The following NR5A2 variants were observed in gnomAD, a reference collection of about 807,000 sequenced individuals.
The protein encoded by NR5A2 is CYP7A promoter-binding factor.
NR5A2 carries 26 observed loss-of-function variants against 62.7 expected under a neutral mutation model. That is an observed-to-expected ratio of 0.41 (90% confidence interval 0.30 to 0.58). The LOEUF is 0.58. NR5A2 is among the 20% of genes least tolerant of loss of function. NR5A2 has a pLI of 0.22. For synonymous variants in NR5A2, 246 were observed against 241.7 expected (o/e 1.02, Z -0.16); for missense variants, 541 against 669.1 (o/e 0.81, Z 2.11).
chr1:200,135,083 G>A (rs1271816401), intron 7 of NR5A2, among the ~76,000 whole-genome samples: 1 of 152,196 alleles, frequency 6.6e-6, no homozygotes, highest in Non-Finnish European at 1.5e-5. Flanking sequence ...AATACAAAAT[G>A]TGACTGGACT....
At chr1:200,118,052 T>TGTTGCCCA (rs1210854807) in intron 6 of NR5A2, among the ~76,000 whole-genome samples, 1 of 136,636 alleles carries the variant, frequency 7.3e-6, no homozygotes, top group African/African-American at 2.8e-5. Context: ...AGTCTCACTC[T>TGTTGCCCA]GTTGCCCAGG....
chr1:200,175,467 C>T lies in NR5A2; in HGVS notation c.*1257C>T, dbSNP rs554700962. 14 of 152,762 alleles carry T rather than the reference C, an allele frequency of 9.2e-5. No homozygotes were observed. The highest frequency in any genetic ancestry group is 3.3e-4 in the Admixed American group (5 of 15,302). 9.5% of individuals were successfully genotyped at this position (152,762 alleles called of 1,614,324 possible). A position where few individuals can be genotyped will look rare whatever the true frequency, so the allele number is the denominator to read the frequency against. On this transcript the variant is annotated 3_prime_UTR_variant, in exon 8 of 8. Coordinates refer to ENST00000367362, the MANE Select transcript of NR5A2 (RefSeq NM_205860.3). ...GAACAAATATGGGAGGACAAAGAAT[C>T]GCAAATTCTTCAAATGACTATTATC... is the stretch of plus-strand genomic sequence containing the variant.
rs1054087234 is a variant in NR5A2 at position 200,039,016 on chromosome 1, C to T, written c.65-642C>T. ...CTCCTTCTCCCCCTCGTCTTCCCCCCTGTCCTTCCCAGCACCGTCACCCTC... is the reference window on the plus strand; with the variant it reads ...CTCCTTCTCCCCCTCGTCTTCCCCCTTGTCCTTCCCAGCACCGTCACCCTC... On this transcript the variant is annotated intron_variant, in intron 1 of 7. Coordinates refer to ENST00000367362, the MANE Select transcript of NR5A2 (RefSeq NM_205860.3). The surrounding 1 kb of genome is among the most constrained non-coding windows in gnomAD (Gnocchi z 5.1). 1.3e-5 allele frequency among the ~76,000 whole-genome samples: 2 copies of T among 152,040 alleles called. No homozygotes were observed. The highest frequency in any genetic ancestry group is 2.4e-5 in the African/African-American group (1 of 41,396).
chr1:200,127,929 T>C (rs1327100213), intron 7 of NR5A2, among the ~76,000 whole-genome samples: 1 of 150,726 alleles, frequency 6.6e-6, no homozygotes, highest in South Asian at 2.1e-4. Flanking sequence ...TAAGGCAAAA[T>C]GATATAAGAA....
At chr1:200,066,161 A>C (rs544866152) in intron 5 of NR5A2, among the ~76,000 whole-genome samples, 1 of 152,210 alleles carries the variant, frequency 6.6e-6, no homozygotes, top group South Asian at 2.1e-4. Context: ...ACCCCAGGGG[A>C]GAGATGGAGA....
intron 5 of NR5A2, among the ~76,000 whole-genome samples, chr1:200,101,566 C>T (rs767506030): frequency 5.3e-5 from 8 of 152,270 alleles, no homozygotes; most frequent in Non-Finnish European, 8.8e-5. Context: ...GTGGCAGAGA[C>T]CTCCTTTTCC....
At chr1:200,092,620 A>G (rs546544039) in intron 5 of NR5A2, among the ~76,000 whole-genome samples, 23 of 152,230 alleles carry the variant, frequency 1.5e-4, no homozygotes, top group African/African-American at 5.5e-4. Context: ...TCCAGGGCAA[A>G]AGGTGGATGT....
intron 5 of NR5A2, among the ~76,000 whole-genome samples, chr1:200,058,578 T>A (rs1473082315): frequency 6.6e-6 from 1 of 151,874 alleles, no homozygotes; most frequent in Non-Finnish European, 1.5e-5. Flanking sequence ...CCTTCCCGGT[T>A]CAAGCGATTC....
chr1:200,171,288 G>A (rs1055717422), intron 7 of NR5A2, among the ~76,000 whole-genome samples: 7 of 152,172 alleles, frequency 4.6e-5, no homozygotes, highest in Non-Finnish European at 7.4e-5. Context: ...AGCTTAATGG[G>A]ATAATTAACT....
intron 5 of NR5A2, among the ~76,000 whole-genome samples, chr1:200,093,958 C>A (rs1343324755): frequency 1.3e-5 from 2 of 152,230 alleles, no homozygotes; most frequent in East Asian, 3.9e-4. Flanking sequence ...AGTTCAAGAC[C>A]AGCCTGGCCA....
chr1:200,149,856 C>CT, intron 7 of NR5A2, among the ~76,000 whole-genome samples: 1 of 152,266 alleles, frequency 6.6e-6, no homozygotes, highest in African/African-American at 2.4e-5. Context: ...ATATGAACTA[C>CT]TATTCATCAT....
intron 7 of NR5A2, among the ~76,000 whole-genome samples, chr1:200,132,071 G>A (rs1666988947): frequency 6.6e-6 from 1 of 152,128 alleles, no homozygotes; most frequent in South Asian, 2.1e-4. Context: ...GTGCAGTGGT[G>A]CAATTTTGGC....
rs115816461 is a variant in NR5A2 at position 200,068,412 on chromosome 1, C to T, written c.1110+19594C>T. ...CAATATTCCAACAGGACTTAGTTTC[C>T]CACTACTTCGAAACTTACTTAATTT... is the stretch of plus-strand genomic sequence containing the variant. On this transcript the variant is annotated intron_variant, in intron 5 of 7. Coordinates refer to ENST00000367362, the MANE Select transcript of NR5A2 (RefSeq NM_205860.3). Among the ~76,000 whole-genome samples, 960 of 152,152 alleles carry T rather than the reference C, an allele frequency of 6.3e-3. 5 individuals carry two copies. Among genetic ancestry groups the T allele is most frequent in the African/African-American group, 0.022 (923 of 41,504 alleles).
At chr1:200,046,602 A>G (rs78489409) in intron 4 of NR5A2, among the ~76,000 whole-genome samples, 6,675 of 152,282 alleles carry the variant, frequency 0.044, 191 homozygotes, top group African/African-American at 0.084. Flanking sequence ...GCTTCTTCCG[A>G]ACAGAGGTAG....
At chr1:200,106,132 A>C (rs1358814744) in intron 5 of NR5A2, among the ~76,000 whole-genome samples, 1 of 149,416 alleles carries the variant, frequency 6.7e-6, no homozygotes, top group Non-Finnish European at 1.5e-5. Context: ...ATCTCGGCTC[A>C]TTGCAACCTC....
intron 5 of NR5A2, among the ~76,000 whole-genome samples, chr1:200,080,296 A>C (rs1286839153): frequency 2.0e-5 from 3 of 152,182 alleles, no homozygotes; most frequent in African/African-American, 7.2e-5. Context: ...AAGTTGTACT[A>C]TAGAGTCTAA....
At chr1:200,034,522 G>A (rs1661676119) in intron 1 of NR5A2, among the ~76,000 whole-genome samples, 1 of 148,038 alleles carries the variant, frequency 6.8e-6, no homozygotes, top group Non-Finnish European at 1.5e-5. Context: ...TATACAAAGA[G>A]CCGTAGATTC....
intron 1 of NR5A2, among the ~76,000 whole-genome samples, chr1:200,037,670 C>G (rs1661841477): frequency 6.6e-6 from 1 of 152,220 alleles, no homozygotes; most frequent in South Asian, 2.1e-4. Flanking sequence ...GAGCTTTTGG[C>G]AACTTCAGCC....
intron 7 of NR5A2, among the ~76,000 whole-genome samples, chr1:200,162,366 G>A (rs752157522): frequency 6.7e-6 from 1 of 149,522 alleles, no homozygotes; most frequent in Non-Finnish European, 1.5e-5. Flanking sequence ...AAAGGTTAGG[G>A]GAAGAAAGTT....
Sources: allele counts gnomAD v4.1 joint callset (sites outside exome capture counted in the v4.1 genomes callset), GRCh38; gene constraint gnomAD v4.1.1; non-coding constraint Gnocchi (gnomAD v3.1); transcripts MANE v1.5; gene names NCBI Gene and HGNC (gene_info 2026-07-23, HGNC 2026-07-21).